Variants in NIM1K observed in about 807,000 individuals in gnomAD.
NIM1K encodes the protein serine/threonine-protein kinase NIM1.
NIM1K carries 35 observed loss-of-function variants against 37.1 expected under a neutral mutation model. That is an observed-to-expected ratio of 0.94 (90% CI 0.72 to 1.25). The LOEUF (loss-of-function observed/expected upper bound fraction) is 1.25. Among genes scored for constraint, NIM1K ranks in the 50% most tolerant of loss-of-function variants. NIM1K has a pLI of 0.00. For synonymous variants in NIM1K, 234 were observed against 206.6 expected, an observed-to-expected ratio of 1.13 and a Z score of -1.14; for missense variants, 564 against 548.0, an observed-to-expected ratio of 1.03 and a Z score of -0.29.
chr5:43,280,742 T>C lies in NIM1K; in HGVS notation c.*13T>C, dbSNP rs187893441. 29 of 1,552,940 alleles carry C rather than the reference T, an allele frequency of 1.9e-5. No homozygotes were observed. In the African/African-American group the frequency reaches 3.7e-4, roughly 20 times the overall value. On this transcript the variant is annotated 3_prime_UTR_variant, in exon 4 of 4. Transcript: ENST00000326035. ...CTCGATTTTATAAATTGCACTAGAC[T>C]GCTTGTAACTAACCAAGATGATTGT...
intron 1 of NIM1K, chr5:43,207,525 T>G: frequency 2.3e-4 from 155 of 668,336 alleles, no homozygotes; most frequent in East Asian, 5.8e-4. Context: ...TTAACAGCTG[T>G]TCCAATCTCC....
chr5:43,218,730 T>TC (rs1162620418), intron 1 of NIM1K, among the ~76,000 whole-genome samples: 1 of 151,266 alleles, frequency 6.6e-6, no homozygotes, highest in African/African-American at 2.4e-5. Flanking sequence ...TTTTCTTTTT[T>TC]TTTTTTTTGT....
At chr5:43,223,981 T>C (rs1170968510) in intron 1 of NIM1K, among the ~76,000 whole-genome samples, 1 of 131,196 alleles carries the variant, frequency 7.6e-6, no homozygotes, top group African/African-American at 3.1e-5. Flanking sequence ...AGATTCTTTT[T>C]TGAGGGTTAA....
chr5:43,221,211 A>C (rs1252184416), intron 1 of NIM1K, among the ~76,000 whole-genome samples: 1 of 152,152 alleles, frequency 6.6e-6, no homozygotes, highest in African/African-American at 2.4e-5. Flanking sequence ...GCTGTGGCTC[A>C]TGCCTGTAAT....
At chr5:43,216,579 C>G (rs1291862158) in intron 1 of NIM1K, among the ~76,000 whole-genome samples, 3 of 152,204 alleles carry the variant, frequency 2.0e-5, no homozygotes, top group Non-Finnish European at 2.9e-5. Context: ...TAACTGCGGA[C>G]AAGTCATGTA....
At chr5:43,248,635 A>C (rs1046139501) in intron 2 of NIM1K, among the ~76,000 whole-genome samples, 3 of 152,078 alleles carry the variant, frequency 2.0e-5, no homozygotes, top group African/African-American at 7.2e-5. Flanking sequence ...AGAGAGAGAC[A>C]CTTACAAGGA....
chr5:43,208,684 A>C (rs758112167), intron 1 of NIM1K, among the ~76,000 whole-genome samples: 13 of 152,234 alleles, frequency 8.5e-5, no homozygotes, highest in Non-Finnish European at 2.9e-5. Flanking sequence ...CCACATGGGC[A>C]TGAAAGGACA....
intron 2 of NIM1K, among the ~76,000 whole-genome samples, chr5:43,258,576 G>T (rs535802227): frequency 6.6e-6 from 1 of 152,080 alleles, no homozygotes; most frequent in Non-Finnish European, 1.5e-5. Context: ...GGAGTAGCTG[G>T]AACCACAGGG....
At chr5:43,234,385 TATA>T (rs10558793) in intron 1 of NIM1K, among the ~76,000 whole-genome samples, 56,453 of 151,790 alleles carry the variant, frequency 0.37, 11,292 homozygotes, top group East Asian at 0.66. Flanking sequence ...AAAATTGTAT[TATA>T]AGCAATTTTA....
intron 1 of NIM1K, among the ~76,000 whole-genome samples, chr5:43,221,233 C>T (rs980111167): frequency 6.6e-6 from 1 of 151,802 alleles, no homozygotes; most frequent in African/African-American, 2.4e-5. Context: ...CCAGCACTTT[C>T]GGAGGCTGTG....
At chr5:43,277,913 C>G (rs1263981168) in intron 3 of NIM1K, among the ~76,000 whole-genome samples, 1 of 151,950 alleles carries the variant, frequency 6.6e-6, no homozygotes, top group Non-Finnish European at 1.5e-5. Context: ...CTTATTGCCT[C>G]TGTGCCCAGT....
At chr5:43,224,048 T>TA (rs869287314) in intron 1 of NIM1K, among the ~76,000 whole-genome samples, 150 of 1,054 alleles carry the variant, frequency 0.14, 1 homozygote, top group South Asian at 0.52. Context: ...TTATTTTCAC[T>TA]TTTTTTTTGT....
chr5:43,194,764 ATTTTC>A (rs1343444262), intron 1 of NIM1K: 1 of 151,898 alleles, frequency 6.6e-6, no homozygotes, highest in African/African-American at 2.4e-5. Flanking sequence ...GTTTTGTTTT[ATTTTC>A]TTTTCGTTTT....
chr5:43,261,734 T>C (rs1440084553), intron 2 of NIM1K, among the ~76,000 whole-genome samples: 1 of 152,240 alleles, frequency 6.6e-6, no homozygotes, highest in African/African-American at 2.4e-5. Flanking sequence ...AGGGTTTTTA[T>C]AGTTTTAGGT....
chr5:43,272,645 C>T (rs1753274741), intron 2 of NIM1K, among the ~76,000 whole-genome samples: 1 of 152,160 alleles, frequency 6.6e-6, no homozygotes, highest in African/African-American at 2.4e-5. Context: ...AACTATCTTC[C>T]TAGGTTTTAA....
chr5:43,204,240 C>T (rs1752076465), intron 1 of NIM1K, among the ~76,000 whole-genome samples: 1 of 150,738 alleles, frequency 6.6e-6, no homozygotes, highest in Non-Finnish European at 1.5e-5. Flanking sequence ...CGTACCACCA[C>T]TCCTGGCTAA....
intron 1 of NIM1K, among the ~76,000 whole-genome samples, chr5:43,192,668 T>C (rs917502571): frequency 3.3e-5 from 5 of 152,074 alleles, no homozygotes. Context: ...GAGAGCGTGC[T>C]CGCGCGTGTG....
intron 2 of NIM1K, among the ~76,000 whole-genome samples, chr5:43,275,597 G>T (rs150969399): frequency 1.3e-5 from 2 of 152,306 alleles, no homozygotes; most frequent in African/African-American, 4.8e-5. Flanking sequence ...CTGGTGTGTC[G>T]TGTACATGAC....
chr5:43,268,826 A>T (rs1167258491), intron 2 of NIM1K, among the ~76,000 whole-genome samples: 11 of 152,198 alleles, frequency 7.2e-5, no homozygotes, highest in African/African-American at 9.7e-5. Flanking sequence ...GCCAAGACTA[A>T]GCCCAGGAAT....
Sources: allele counts gnomAD v4.1 joint callset (sites outside exome capture counted in the v4.1 genomes callset), GRCh38; gene constraint gnomAD v4.1.1; transcripts MANE v1.5; gene names NCBI Gene and HGNC (gene_info 2026-07-23, HGNC 2026-07-21).